The following ZDHHC17 variants were observed in gnomAD, a reference collection of about 807,000 sequenced individuals.
ZDHHC17 encodes the protein zDHHC palmitoyltransferase 17.
Under a neutral mutation model 90.3 loss-of-function variants are expected in ZDHHC17, and 40 were observed. The observed-to-expected ratio is 0.44, with a 90% confidence interval of 0.34 to 0.58. ZDHHC17 has a LOEUF of 0.58. Ranked by LOEUF, ZDHHC17 falls within the 20% of genes least tolerant of loss-of-function variation. The pLI is 0.01. For synonymous variants in ZDHHC17, 235 were observed against 252.4 expected (o/e 0.93, Z 0.65); for missense variants, 614 against 780.8 (o/e 0.79, Z 2.55).
Position 76,831,497 on chromosome 12 carries a change from C to G in ZDHHC17, c.1141+3007C>G, listed in dbSNP as rs534971669. On this transcript the variant is annotated intron_variant, in intron 10 of 16. Transcript: ENST00000426126. ...TCCCGAGTAGCTGGGATTATAGGTGCACACCACCATACCTGGTTAATTTCT... is the reference window on the plus strand; with the variant it reads ...TCCCGAGTAGCTGGGATTATAGGTGGACACCACCATACCTGGTTAATTTCT... 4.6e-5 allele frequency among the ~76,000 whole-genome samples: 7 copies of G among 151,972 alleles called. No homozygotes were observed. The South Asian group carries it at 8.3e-4, about 18-fold the overall frequency.
Position 76,852,823 on chromosome 12 carries a change from C to T in ZDHHC17, c.*1838C>T, listed in dbSNP as rs1953581616. 6.6e-6 allele frequency: 1 copy of T among 152,428 alleles called. No homozygotes were observed. Among genetic ancestry groups the T allele is most frequent in the Non-Finnish European group, 1.5e-5 (1 of 68,000 alleles). The allele number at this position is 152,428 out of a possible 1,614,324, so 9.4% of individuals were successfully genotyped here. On this transcript the variant is annotated 3_prime_UTR_variant, in exon 17 of 17. Coordinates refer to ENST00000426126, the MANE Select transcript of ZDHHC17 (RefSeq NM_015336.4). The stretch of plus-strand genomic sequence containing the variant: ...GGTGTGGGGTGGCAATAGCATTGTG[C>T]CATTTTGTCATAGAATGTAAAAATT...
Position 76,764,272 on chromosome 12 carries a change from G to C in ZDHHC17, c.36G>C (p.Ala12=). The change falls in exon 1 of 17, where the codon GCG becomes GCC. Residue 12 remains alanine, a synonymous_variant. Coordinates refer to ENST00000426126, the MANE Select transcript of ZDHHC17 (RefSeq NM_015336.4). ...QREEGFNTKM[A]DGPDEYDTEA... ...AGGAGGGATTTAACACCAAGATGGC[G>C]GACGGCCCGGATGAGTACGATACCG... The C allele has an allele frequency of 6.2e-7, 1 of 1,606,872 alleles. No individual in the cohort carries two copies.
At chr12:76,771,578 C>A (rs1276475715) in intron 1 of ZDHHC17, among the ~76,000 whole-genome samples, 1 of 151,676 alleles carries the variant, frequency 6.6e-6, no homozygotes, top group African/African-American at 2.4e-5. Context: ...TTGTTGTATT[C>A]TAGAAAAAAA....
At position 76,791,689 on chromosome 12, in the gene ZDHHC17, A is replaced by C. The variant is rs1952761527; in HGVS notation, c.94-5745A>C. ...TACTATACATCTGGGATTAGCATAG[A>C]CGCAACAAGTCAAGGGCTCAGTCCC... On this transcript the variant is annotated intron_variant, in intron 1 of 16. Transcript: ENST00000426126. Among the ~76,000 whole-genome samples, 4 of 152,154 alleles carry C rather than the reference A, an allele frequency of 2.6e-5. No individual in the cohort carries two copies. The South Asian group carries it at 8.3e-4, about 31-fold the overall frequency.
rs1421390281 is a variant in ZDHHC17 at position 76,813,495 on chromosome 12, T to G, written c.544-1651T>G. On this transcript the variant is annotated intron_variant, in intron 5 of 16. Coordinates refer to ENST00000426126, the MANE Select transcript of ZDHHC17 (RefSeq NM_015336.4). The stretch of plus-strand genomic sequence containing the variant: ...CATCCAAGGAAATGCTTTACTTATC[T>G]AATGTAGTGGTTCTCAGATTTTTTT... 4 of 318,136 alleles carry G rather than the reference T, an allele frequency of 1.3e-5. No homozygotes were observed. The Admixed American group carries it at 1.8e-4, about 14-fold the overall frequency. 19.7% of individuals were successfully genotyped at this position (318,136 alleles called of 1,614,324 possible). A position where few individuals can be genotyped will look rare whatever the true frequency, so the allele number is the denominator to read the frequency against.
chr12:76,778,884 C>G lies in ZDHHC17; in HGVS notation c.93+14555C>G, dbSNP rs373572895. ...GTTTTGGAGGCTAGAAGTCCAAGAT[C>G]AAGTTTCTTCTGAGGTCTCTCTGCT... On this transcript the variant is annotated intron_variant, in intron 1 of 16. Transcript: ENST00000426126. Among the ~76,000 whole-genome samples the G allele has an allele frequency of 6.6e-4, 100 of 152,254 alleles. 1 individual carries two copies. Among genetic ancestry groups the G allele is most frequent in the African/African-American group, 2.1e-3 (87 of 41,574 alleles).
intron 15 of ZDHHC17, 34 bp from the exon 16 acceptor site, chr12:76,849,339 AAAC>A: frequency 8.8e-7 from 1 of 1,137,250 alleles, no homozygotes; most frequent in Non-Finnish European, 1.2e-6. Context: ...AAAAAAAAAA[AAAC>A]AAGAATAATG....
At chr12:76,775,354 C>T (rs1027219913) in intron 1 of ZDHHC17, among the ~76,000 whole-genome samples, 7 of 151,966 alleles carry the variant, frequency 4.6e-5, no homozygotes, top group African/African-American at 1.7e-4. Flanking sequence ...TTTCAGTGTT[C>T]TTGGTGGCTC....
At chr12:76,814,898 G>A (rs1370281089) in intron 5 of ZDHHC17, among the ~76,000 whole-genome samples, 2 of 151,948 alleles carry the variant, frequency 1.3e-5, no homozygotes, top group African/African-American at 4.8e-5. Flanking sequence ...AATTTTAAAT[G>A]TGAAACATTG....
chr12:76,842,560 TC>T (rs967985529), intron 11 of ZDHHC17, among the ~76,000 whole-genome samples: 4 of 152,176 alleles, frequency 2.6e-5, no homozygotes, highest in African/African-American at 9.6e-5. Context: ...AATATTATAA[TC>T]TAACAATGTT....
intron 2 of ZDHHC17, among the ~76,000 whole-genome samples, chr12:76,799,789 G>A (rs1029094847): frequency 4.6e-5 from 7 of 152,114 alleles, no homozygotes; most frequent in Admixed American, 2.6e-4. Flanking sequence ...GGTTTAAATA[G>A]GCTATCTTAT....
chr12:76,797,598 GAA>G, intron 2 of ZDHHC17, 61 bp downstream of exon 2: 3 of 1,280,880 alleles, frequency 2.3e-6, no homozygotes, highest in Non-Finnish European at 2.2e-6. Context: ...ATATGAATCT[GAA>G]TAACAGTCAT....
intron 8 of ZDHHC17, among the ~76,000 whole-genome samples, chr12:76,823,405 C>T (rs1022421008): frequency 6.6e-6 from 1 of 152,098 alleles, no homozygotes; most frequent in Non-Finnish European, 1.5e-5. Flanking sequence ...GGCTCAGTTG[C>T]CTGATTATAT....
intron 1 of ZDHHC17, chr12:76,768,937 A>T: frequency 5.8e-6 from 1 of 171,522 alleles, no homozygotes; most frequent in Middle Eastern, 1.1e-3. Flanking sequence ...TTTTATGGTA[A>T]CGTTTTTTAT....
intron 8 of ZDHHC17, 74 bp downstream of exon 8, chr12:76,822,605 A>G: frequency 8.0e-7 from 1 of 1,246,374 alleles, no homozygotes; most frequent in South Asian, 1.4e-5. Flanking sequence ...CCCAGGCTGG[A>G]GTGCAGTGGC....
chr12:76,764,595 T>G (rs1031259734), intron 1 of ZDHHC17: 2 of 552,858 alleles, frequency 3.6e-6, no homozygotes, highest in Non-Finnish European at 6.6e-6. Flanking sequence ...GGTTCTGCTG[T>G]GTCGCCGCGC....
intron 7 of ZDHHC17, among the ~76,000 whole-genome samples, chr12:76,818,348 T>C (rs916348938): frequency 3.3e-5 from 5 of 152,210 alleles, no homozygotes; most frequent in African/African-American, 1.2e-4. Flanking sequence ...CACCTTCTAA[T>C]AGAAACCATG....
chr12:76,835,675 T>C (rs185945383), intron 10 of ZDHHC17, among the ~76,000 whole-genome samples: 97 of 152,194 alleles, frequency 6.4e-4, no homozygotes, highest in African/African-American at 2.1e-3. Flanking sequence ...TAATCATATG[T>C]ATAAAGACTG....
At chr12:76,768,607 G>C (rs1412876634) in intron 1 of ZDHHC17, among the ~76,000 whole-genome samples, 1 of 152,210 alleles carries the variant, frequency 6.6e-6, no homozygotes, top group Non-Finnish European at 1.5e-5. Context: ...TCAGATTCCT[G>C]TCATTTAGAG....
Sources: gnomAD v4.1 joint callset for allele counts (sites outside exome capture counted in the v4.1 genomes callset) on GRCh38, gnomAD v4.1.1 for gene constraint, MANE v1.5 for transcripts, NCBI Gene and HGNC (gene_info 2026-07-23, HGNC 2026-07-21) for gene names.